MYOZ2: variants seen among roughly 807,000 people sequenced by gnomAD.
MYOZ2 encodes myozenin-2.
A neutral mutation model predicts 25.4 loss-of-function variants in MYOZ2; 19 were observed. That is an observed-to-expected ratio of 0.75 (90% CI 0.52 to 1.10). The LOEUF is 1.10. Among genes scored for constraint, MYOZ2 ranks in the 50% least tolerant of loss-of-function variants. The probability of loss-of-function intolerance (pLI) is 0.00; values close to 1 mark genes in which losing one functional copy is unlikely to be tolerated. For synonymous variants in MYOZ2, 92 were observed against 106.9 expected, an observed-to-expected ratio of 0.86 and a Z score of 0.86; for missense variants, 270 against 317.9, an observed-to-expected ratio of 0.85 and a Z score of 1.15.
chr4:119,153,062 CT>C (rs5861415), intron 3 of MYOZ2, among the ~76,000 whole-genome samples: 541 of 137,638 alleles, frequency 3.9e-3, no homozygotes, highest in East Asian at 5.9e-3. Context: ...AAAGCGTTGC[CT>C]TTTTTTTTTT....
rs531615372 is a variant in MYOZ2 at position 119,157,931 on chromosome 4, A to G, written c.247-91A>G. The G allele has an allele frequency of 4.5e-5, 67 of 1,477,516 alleles. No homozygotes were observed. The East Asian group carries it at 1.3e-3, about 29-fold the overall frequency. 91.5% of individuals were successfully genotyped at this position (1,477,516 alleles called of 1,614,324 possible). On this transcript the variant is annotated intron_variant, in intron 3 of 5. Transcript: ENST00000307128. The stretch of plus-strand genomic sequence containing the variant: ...TGAAGCGACATTGCATTTAAATTAT[A>G]AATATACAATTGAAGTTTTGCATAT...
rs747870094 is a variant in MYOZ2 at position 119,164,326 on chromosome 4, G to A, written c.492G>A (p.Glu164=). ...QAISNDPELL[E]ALYPKLFKPE... ...TTAGCAATGATCCGGAGCTTTTAGAGGCTTTATATCCTAAACTTTTCAAGC... is the reference window on the plus strand; with the variant it reads ...TTAGCAATGATCCGGAGCTTTTAGAAGCTTTATATCCTAAACTTTTCAAGC... Residue 164 remains glutamate (E), a synonymous_variant, in exon 5 of 6, where the codon GAG becomes GAA. Coordinates refer to ENST00000307128, the MANE Select transcript of MYOZ2 (RefSeq NM_016599.5). 2.5e-6 allele frequency: 4 copies of A among 1,614,064 alleles called. No individual in the cohort carries two copies. The Admixed American group carries it at 6.7e-5, about 27-fold the overall frequency.
chr4:119,183,432 A>G (rs1437845884), intron 5 of MYOZ2, among the ~76,000 whole-genome samples: 1 of 151,908 alleles, frequency 6.6e-6, no homozygotes. Flanking sequence ...GAAAAAAAAA[A>G]GAGTATGATT....
chr4:119,180,697 G>A (rs926376092), intron 5 of MYOZ2, among the ~76,000 whole-genome samples: 7 of 152,086 alleles, frequency 4.6e-5, no homozygotes, highest in African/African-American at 1.7e-4. Context: ...GGGATTACAG[G>A]CGCCTGTCTC....
chr4:119,174,756 C>A (rs1023275696), intron 5 of MYOZ2, among the ~76,000 whole-genome samples: 87 of 152,286 alleles, frequency 5.7e-4, no homozygotes, highest in African/African-American at 2.0e-3. Context: ...CTCGGGTCCC[C>A]TTCCACACAG....
intron 5 of MYOZ2, among the ~76,000 whole-genome samples, chr4:119,173,102 T>C (rs1741980275): frequency 6.6e-6 from 1 of 152,228 alleles, no homozygotes; most frequent in Non-Finnish European, 1.5e-5. Flanking sequence ...CTTCACCTTA[T>C]AGAATAATTA....
chr4:119,156,450 G>A (rs1741578875), intron 3 of MYOZ2, among the ~76,000 whole-genome samples: 1 of 152,024 alleles, frequency 6.6e-6, no homozygotes, highest in Admixed American at 6.6e-5. Flanking sequence ...GGCTTATTCA[G>A]TATGCAATAA....
intron 2 of MYOZ2, among the ~76,000 whole-genome samples, chr4:119,145,917 T>C (rs559129463): frequency 6.6e-6 from 1 of 152,274 alleles, no homozygotes; most frequent in Admixed American, 6.5e-5. Context: ...AATCAAGTAC[T>C]CATTTCATGT....
chr4:119,182,558 G>A (rs966692747), intron 5 of MYOZ2, among the ~76,000 whole-genome samples: 5 of 152,114 alleles, frequency 3.3e-5, no homozygotes, highest in African/African-American at 7.2e-5. Context: ...GTGGCAGGGT[G>A]GGGGGAGATG....
intron 4 of MYOZ2, 74 bp downstream of exon 4, chr4:119,158,225 C>A: frequency 1.9e-6 from 3 of 1,560,698 alleles, no homozygotes; most frequent in South Asian, 1.1e-5. Flanking sequence ...CATTTAAAGC[C>A]TTTATTGAAT....
intron 5 of MYOZ2, among the ~76,000 whole-genome samples, chr4:119,184,049 A>G (rs550365176): frequency 6.6e-6 from 1 of 152,206 alleles, no homozygotes; most frequent in African/African-American, 2.4e-5. Flanking sequence ...TCCCGACCTC[A>G]GGTGATCCAT....
At chr4:119,167,172 A>G (rs1373870127) in intron 5 of MYOZ2, among the ~76,000 whole-genome samples, 2 of 152,192 alleles carry the variant, frequency 1.3e-5, no homozygotes, top group Admixed American at 6.6e-5. Flanking sequence ...ATGCAAAGGA[A>G]AAATTCAGGA....
Position 119,186,091 on chromosome 4 carries a change from G to A in MYOZ2, c.686G>A (p.Arg229Lys). 1 of 1,613,964 alleles carries A rather than the reference G, an allele frequency of 6.2e-7. No individual in the cohort carries two copies. The highest frequency in any genetic ancestry group is 8.5e-7 in the Non-Finnish European group (1 of 1,179,938). ...TCCTTTGTCAATCCCCTTTCTGGCAGACGGTCCTTTAATAGGACTCCTAAG... is the reference window on the plus strand; with the variant it reads ...TCCTTTGTCAATCCCCTTTCTGGCAAACGGTCCTTTAATAGGACTCCTAAG... The part of the protein sequence containing the change: ...FMSFVNPLSG[R>K]RSFNRTPKGW... The change falls in exon 6 of 6, where the codon AGA (arginine) becomes AAA (lysine). Residue 229 changes from arginine to lysine, a missense_variant. Arg to Lys is a conservative substitution (Grantham distance 26). Transcript: ENST00000307128.
At position 119,173,350 on chromosome 4, in the gene MYOZ2, CTA is replaced by C. The variant is rs201372628; in HGVS notation, c.560+8958_560+8959del. ...AGATGCACAGGTATTTTTCAGTAGACTATTTTAAATCTTTCATTGGAAACGTT... is the reference window on the plus strand; with the variant it reads ...AGATGCACAGGTATTTTTCAGTAGACTTTTAAATCTTTCATTGGAAACGTT... On this transcript the variant is annotated intron_variant, in intron 5 of 5. Transcript: ENST00000307128. 8.2e-4 allele frequency among the ~76,000 whole-genome samples: 125 copies of C among 152,268 alleles called. 1 individual carries two copies. The East Asian group carries it at 0.022, about 27-fold the overall frequency.
intron 4 of MYOZ2, among the ~76,000 whole-genome samples, chr4:119,159,978 C>T (rs1345774179): frequency 1.3e-5 from 2 of 152,182 alleles, no homozygotes; most frequent in Non-Finnish European, 2.9e-5. Context: ...GGGTCTGTAT[C>T]TACATCATCA....
At chr4:119,161,712 A>G (rs916356024) in intron 4 of MYOZ2, among the ~76,000 whole-genome samples, 2 of 152,138 alleles carry the variant, frequency 1.3e-5, no homozygotes, top group Admixed American at 1.3e-4. Context: ...TTACATAACC[A>G]TGGTTCCTTA....
rs779726933 is a variant in MYOZ2 at position 119,164,314 on chromosome 4, G to A, written c.480G>A (p.Pro160=). The A allele has an allele frequency of 1.4e-5, 22 of 1,614,042 alleles. No individual in the cohort carries two copies. Among genetic ancestry groups the A allele is most frequent in the Middle Eastern group, 1.7e-4 (1 of 6,060 alleles). The change falls in exon 5 of 6, where the codon CCG becomes CCA. Residue 160 remains proline (P), a synonymous_variant. Transcript: ENST00000307128. ...SPWEQAISND[P]ELLEALYPKL... ...GGGAACAAGCCATTAGCAATGATCC[G>A]GAGCTTTTAGAGGCTTTATATCCTA... is the stretch of plus-strand genomic sequence containing the variant.
rs533308380 is a variant in MYOZ2 at position 119,175,827 on chromosome 4, C to G, written c.561-10139C>G. On this transcript the variant is annotated intron_variant, in intron 5 of 5. Transcript: ENST00000307128. Reference sequence around the variant, plus strand: ...CATGGGGCCCCACATTTATTTATTTCAAAGGGCCATGTTTGGTTTGATCCT... The same window carrying G: ...CATGGGGCCCCACATTTATTTATTTGAAAGGGCCATGTTTGGTTTGATCCT... Among the ~76,000 whole-genome samples the G allele has an allele frequency of 8.6e-5, 13 of 151,886 alleles. No individual in the cohort carries two copies. The South Asian group carries it at 2.3e-3, about 27-fold the overall frequency.
chr4:119,165,037 A>G (rs1215664339), intron 5 of MYOZ2, among the ~76,000 whole-genome samples: 1 of 150,262 alleles, frequency 6.7e-6, no homozygotes, highest in East Asian at 1.9e-4. Flanking sequence ...TGATCACTTG[A>G]CCTTCATTTT....
Sources: allele counts gnomAD v4.1 joint callset (sites outside exome capture counted in the v4.1 genomes callset), GRCh38; gene constraint gnomAD v4.1.1; transcripts MANE v1.5; gene names NCBI Gene and HGNC (gene_info 2026-07-23, HGNC 2026-07-21).